Variants in CSTF1 observed in about 807,000 individuals in gnomAD.
CSTF1 encodes cleavage stimulation factor subunit 1, also known as CF-1 50 kDa subunit.
In CSTF1, 2 loss-of-function variants were observed where a neutral mutation model predicts 40.9. The ratio of observed to expected loss-of-function variants is 0.05; its 90% CI spans 0.02 to 0.15. The LOEUF (loss-of-function observed/expected upper bound fraction) is 0.15. Ranked by LOEUF, CSTF1 falls within the 10% of genes least tolerant of loss-of-function variation. The probability of loss-of-function intolerance (pLI) is 1.00; values close to 1 mark genes in which losing one functional copy is unlikely to be tolerated. For missense variants in CSTF1, 279 were observed against 558.9 expected, an observed-to-expected ratio of 0.50 and a Z score of 5.05; for synonymous variants, 218 against 207.2, an observed-to-expected ratio of 1.05 and a Z score of -0.45.
At chr20:56,395,042 T>A (rs998759112) in intron 1 of CSTF1, among the ~76,000 whole-genome samples, 8 of 152,214 alleles carry the variant, frequency 5.3e-5, no homozygotes, top group African/African-American at 1.9e-4. Context: ...TAAAACAGGT[T>A]TTGAGAATGA....
intron 5 of CSTF1, among the ~76,000 whole-genome samples, chr20:56,400,172 TTTAAGTTTGCATTG>T: frequency 6.6e-6 from 1 of 152,282 alleles, no homozygotes; most frequent in Admixed American, 6.5e-5. Flanking sequence ...CTGGATTGTG[TTTAAGTTTGCATTG>T]AAGAGTCAGT....
Position 56,399,342 on chromosome 20 carries a change from C to G in CSTF1, c.1021C>G (p.Leu341Val). 1.9e-6 allele frequency: 3 copies of G among 1,610,848 alleles called. 1 individual carries two copies. The highest frequency in any genetic ancestry group is 4.5e-5 in the East Asian group (2 of 44,826). ...TTGGGAAATATCAACGGGACGAACACTGGTCAGATACACGGGTATGTGAGA... is the reference window on the plus strand; with the variant it reads ...TTGGGAAATATCAACGGGACGAACAGTGGTCAGATACACGGGTATGTGAGA... ...KLWEISTGRTLVRYTGAGLSG... is the reference protein window; with the variant it reads ...KLWEISTGRTVVRYTGAGLSG... The change falls in exon 5 of 6, where the codon CTG becomes GTG. Residue 341 changes from leucine to valine, a missense_variant. By Grantham distance (32) the Leu-to-Val change is conservative. Around this residue, in one of 4 missense-constraint regions of CSTF1, gnomAD observed 162 missense variants for 337.1 expected, o/e 0.48. Transcript: ENST00000217109. This position sits in a 1 kb window ranked among gnomAD's most constrained non-coding sequence, Gnocchi z 4.6.
At chr20:56,398,466 A>C (rs1978325418) in intron 4 of CSTF1, among the ~76,000 whole-genome samples, 1 of 152,212 alleles carries the variant, frequency 6.6e-6, no homozygotes, top group Non-Finnish European at 1.5e-5. Flanking sequence ...GCTACTCAGG[A>C]GGCGGAGGCA....
intron 5 of CSTF1, among the ~76,000 whole-genome samples, chr20:56,402,444 T>C (rs544778980): frequency 6.6e-6 from 1 of 152,348 alleles, no homozygotes; most frequent in South Asian, 2.1e-4. Flanking sequence ...TTTTATACTT[T>C]ATTTGGTACT....
At chr20:56,400,372 A>T in intron 5 of CSTF1, among the ~76,000 whole-genome samples, 1 of 152,194 alleles carries the variant, frequency 6.6e-6, no homozygotes, top group South Asian at 2.1e-4. Flanking sequence ...AGTTGTTCTG[A>T]AAAGTATTTA....
intron 4 of CSTF1, among the ~76,000 whole-genome samples, chr20:56,398,136 C>G (rs193174385): frequency 2.6e-5 from 4 of 152,114 alleles, no homozygotes; most frequent in African/African-American, 9.7e-5. Context: ...ACCAGCTTCA[C>G]TAATATATAA....
Position 56,397,088 on chromosome 20 carries a change from C to T in CSTF1, c.170-119C>T. The T allele has an allele frequency of 8.9e-7, 1 of 1,123,950 alleles. No individual in the cohort carries two copies. The allele number at this position is 1,123,950 out of a possible 1,614,324, so 69.6% of individuals were successfully genotyped here. ...GTAAAGTGTTAGGTGTCACGCGGCT[C>T]CAAGAAATAGGAGGTTGACACTGGT... On this transcript the variant is annotated intron_variant, in intron 2 of 5. Coordinates refer to ENST00000217109, the MANE Select transcript of CSTF1 (RefSeq NM_001324.3). This position sits in a 1 kb window ranked among gnomAD's most constrained non-coding sequence, Gnocchi z 4.4.
At chr20:56,395,830 C>T (rs1987503425) in intron 2 of CSTF1, 109 bp downstream of exon 2, 30 of 1,174,950 alleles carry the variant, frequency 2.6e-5, no homozygotes, top group East Asian at 5.1e-5. Context: ...TAGTATGAGC[C>T]GGGTACTTCA....
chr20:56,398,911 T>G, intron 4 of CSTF1, 56 bp from the exon 5 acceptor site: 1 of 1,447,504 alleles, frequency 6.9e-7, no homozygotes, highest in Non-Finnish European at 9.3e-7. Context: ...CCACATTTCC[T>G]CTGGATTTAA....
rs1020472957 is a variant in CSTF1, at chr20:56,404,320, G to T, written c.*593G>T. ...GCCAGTTTTTCCTGACAATTTATAG[G>T]AACAGTATCTTTCAACATACTCCCT... On this transcript the variant is annotated 3_prime_UTR_variant, in exon 6 of 6. Transcript: ENST00000217109. The T allele has an allele frequency of 6.6e-6, 1 of 152,246 alleles. No homozygotes were observed. Among genetic ancestry groups the T allele is most frequent in the South Asian group, 2.1e-4 (1 of 4,840 alleles). 9.4% of individuals were successfully genotyped at this position (152,246 alleles called of 1,614,324 possible). A position where few individuals can be genotyped will look rare whatever the true frequency, so the allele number is the denominator to read the frequency against.
chr20:56,395,814 A>G, intron 2 of CSTF1, 93 bp downstream of exon 2: 2 of 1,387,980 alleles, frequency 1.4e-6, no homozygotes, highest in Non-Finnish European at 2.0e-6. Flanking sequence ...GTTTTGTTTC[A>G]GTACCTAGTA....
rs1419473515 is a variant in CSTF1 at position 56,397,563 on chromosome 20, C to T, written c.447+79C>T. The T allele has an allele frequency of 6.3e-7, 1 of 1,596,126 alleles. No homozygotes were observed. The highest frequency in any genetic ancestry group is 8.6e-7 in the Non-Finnish European group (1 of 1,165,906). ...AAAATGAGAGTATGGTTGAAACCAG[C>T]TTTAGTTTGCTACAGTTGTGGATTG... On this transcript the variant is annotated intron_variant, in intron 3 of 5. Transcript: ENST00000217109. This position sits in a 1 kb window ranked among gnomAD's most constrained non-coding sequence, Gnocchi z 4.4.
At chr20:56,393,129 T>TACAC (rs1234417401) in intron 1 of CSTF1, among the ~76,000 whole-genome samples, 12 of 134,690 alleles carry the variant, frequency 8.9e-5, no homozygotes, top group Non-Finnish European at 1.7e-4. Context: ...TATATATATA[T>TACAC]ATACACACAC....
chr20:56,396,989 C>T lies in CSTF1; in HGVS notation c.170-218C>T, dbSNP rs1600729246. On this transcript the variant is annotated intron_variant, in intron 2 of 5. Coordinates refer to ENST00000217109, the MANE Select transcript of CSTF1 (RefSeq NM_001324.3). ...GGGGAAATGACTTTGTCTATTGGAG[C>T]CTAACCTTCCAGCAACCCATGTGGC... The T allele has an allele frequency of 1.7e-5, 9 of 530,168 alleles. No individual in the cohort carries two copies. In the East Asian group the frequency reaches 2.8e-4, roughly 16 times the overall value. 32.8% of individuals were successfully genotyped at this position (530,168 alleles called of 1,614,324 possible). A position where few individuals can be genotyped will look rare whatever the true frequency, so the allele number is the denominator to read the frequency against.
At chr20:56,401,701 A>G (rs1978459554) in intron 5 of CSTF1, among the ~76,000 whole-genome samples, 1 of 152,202 alleles carries the variant, frequency 6.6e-6, no homozygotes, top group Admixed American at 6.5e-5. Context: ...TCCATGGACA[A>G]CATACACCTT....
intron 1 of CSTF1, among the ~76,000 whole-genome samples, chr20:56,395,306 C>G (rs1323816965): frequency 6.6e-6 from 1 of 152,164 alleles, no homozygotes; most frequent in Non-Finnish European, 1.5e-5. Context: ...AGGCACTGTG[C>G]TCAGGGCTTT....
At chr20:56,402,068 A>T (rs1321690147) in intron 5 of CSTF1, among the ~76,000 whole-genome samples, 2 of 152,334 alleles carry the variant, frequency 1.3e-5, no homozygotes, top group Non-Finnish European at 2.9e-5. Flanking sequence ...GCACTTTGGG[A>T]GGCCAAGGTG....
At chr20:56,396,570 G>A (rs190758961) in intron 2 of CSTF1, among the ~76,000 whole-genome samples, 714 of 152,114 alleles carry the variant, frequency 4.7e-3, no homozygotes, top group Middle Eastern at 0.02. Context: ...AGCCGTGCAC[G>A]GGGAAGGATC....
At chr20:56,393,906 C>T (rs370159723) in intron 1 of CSTF1, among the ~76,000 whole-genome samples, 23 of 152,214 alleles carry the variant, frequency 1.5e-4, no homozygotes, top group Middle Eastern at 3.4e-3. Flanking sequence ...CTCCAGGTGC[C>T]CTCAGTTCAA....
Sources: allele counts gnomAD v4.1 joint callset (sites outside exome capture counted in the v4.1 genomes callset), GRCh38; gene constraint gnomAD v4.1.1; regional missense constraint gnomAD v4.1.1; non-coding constraint Gnocchi (gnomAD v3.1); transcripts MANE v1.5; gene names NCBI Gene and HGNC (gene_info 2026-07-23, HGNC 2026-07-21).